TCF7L1: variants seen among roughly 807,000 people sequenced by gnomAD.
TCF7L1 encodes transcription factor 7 like 1, also known as transcription factor 7-like 1.
Under a neutral mutation model 63.7 loss-of-function variants are expected in TCF7L1, and 18 were observed. The observed-to-expected ratio is 0.28, with a 90% CI of 0.20 to 0.42. The LOEUF (loss-of-function observed/expected upper bound fraction) is 0.42, where lower values mean the gene tolerates loss of function less well. Among genes scored for constraint, TCF7L1 ranks in the 10% least tolerant of loss-of-function variants. The pLI, the probability that TCF7L1 is intolerant of heterozygous loss-of-function variation, is 1.00. For synonymous variants in TCF7L1, 355 were observed against 340.9 expected, an observed-to-expected ratio of 1.04 and a Z score of -0.46; for missense variants, 654 against 779.3, an observed-to-expected ratio of 0.84 and a Z score of 1.91.
chr2:85,294,416 C>T (rs911044268), intron 4 of TCF7L1, among the ~76,000 whole-genome samples: 4 of 152,072 alleles, frequency 2.6e-5, no homozygotes, highest in Admixed American at 6.6e-5. Context: ...TTCAGTGGGT[C>T]GCGGTAGGTC....
intron 3 of TCF7L1, among the ~76,000 whole-genome samples, chr2:85,216,865 TG>T (rs1198919026): frequency 6.6e-6 from 1 of 152,178 alleles, no homozygotes; most frequent in African/African-American, 2.4e-5. Flanking sequence ...TTCTCAAGCT[TG>T]GAGAAGGCAG....
chr2:85,306,548 C>T lies in TCF7L1; in HGVS notation c.1246C>T (p.Arg416Trp). The T allele has an allele frequency of 2.5e-6, 4 of 1,614,158 alleles. No homozygotes were observed. Among genetic ancestry groups the T allele is most frequent in the Non-Finnish European group, 3.4e-6 (4 of 1,180,020 alleles). Residue 416 changes from arginine to tryptophan, a missense_variant, in exon 10 of 12, where the codon CGG (arginine) becomes TGG (tryptophan). By Grantham distance (101) the Arg-to-Trp change is moderately radical. Around this residue, in one of 3 missense-constraint regions of TCF7L1, gnomAD observed 66 missense variants for 120.5 expected, o/e 0.55. Coordinates refer to ENST00000282111, the MANE Select transcript of TCF7L1 (RefSeq NM_031283.3). This position sits in a 1 kb window ranked among gnomAD's most constrained non-coding sequence, Gnocchi z 4.3. ...GCAGCTCTACCCAACCTGGTCAGCC[C>T]GGGACAACTATGTAAGTGCACACTC... is the stretch of plus-strand genomic sequence containing the variant. Reference protein sequence around the residue: ...HSQLYPTWSARDNYGKKKKRK... With the variant: ...HSQLYPTWSAWDNYGKKKKRK...
intron 3 of TCF7L1, among the ~76,000 whole-genome samples, chr2:85,160,975 C>T (rs907796305): frequency 4.6e-5 from 7 of 152,192 alleles, no homozygotes; most frequent in Non-Finnish European, 7.3e-5. Flanking sequence ...GGGGTCTGTC[C>T]GTGTGGAGGA....
At chr2:85,222,541 G>C (rs1156732023) in intron 3 of TCF7L1, among the ~76,000 whole-genome samples, 1 of 150,744 alleles carries the variant, frequency 6.6e-6, no homozygotes, top group Non-Finnish European at 1.5e-5. Context: ...ACAGGGGTAT[G>C]CACCTGTCGT....
chr2:85,305,012 TTG>T (rs765880648), intron 7 of TCF7L1, among the ~76,000 whole-genome samples: 3 of 152,124 alleles, frequency 2.0e-5, no homozygotes, highest in African/African-American at 4.8e-5. Flanking sequence ...TCCTCCCCTT[TTG>T]TGTGTTTCAT....
intron 3 of TCF7L1, among the ~76,000 whole-genome samples, chr2:85,179,758 T>C (rs1029343071): frequency 6.6e-6 from 1 of 152,140 alleles, no homozygotes; most frequent in Admixed American, 6.5e-5. Flanking sequence ...TTGGTTTAGC[T>C]CCTTTTAGCA....
At chr2:85,261,060 T>A (rs955769783) in intron 3 of TCF7L1, among the ~76,000 whole-genome samples, 3 of 152,148 alleles carry the variant, frequency 2.0e-5, no homozygotes, top group Non-Finnish European at 4.4e-5. Flanking sequence ...TGCAGTCACC[T>A]GTGTAGAATT....
chr2:85,202,333 A>G (rs1289934070), intron 3 of TCF7L1, among the ~76,000 whole-genome samples: 1 of 152,110 alleles, frequency 6.6e-6, no homozygotes, highest in Non-Finnish European at 1.5e-5. Context: ...TTCTTTATGT[A>G]TTCTGGGTAC....
At chr2:85,181,497 G>T (rs1293237176) in intron 3 of TCF7L1, among the ~76,000 whole-genome samples, 1 of 152,196 alleles carries the variant, frequency 6.6e-6, no homozygotes. Flanking sequence ...AACTATGTGT[G>T]TGACTGTGTG....
intron 3 of TCF7L1, among the ~76,000 whole-genome samples, chr2:85,222,273 G>A (rs765900041): frequency 3.0e-4 from 46 of 151,474 alleles, no homozygotes; most frequent in Non-Finnish European, 5.0e-4. Context: ...ACCAGAAGGT[G>A]GAGGTTGCAG....
intron 3 of TCF7L1, among the ~76,000 whole-genome samples, chr2:85,137,912 AAG>A (rs1371010325): frequency 6.6e-6 from 1 of 151,970 alleles, no homozygotes; most frequent in African/African-American, 2.4e-5. Flanking sequence ...AAAAAAAAGA[AAG>A]AAAGAAAATG....
At position 85,150,130 on chromosome 2, in the gene TCF7L1, A is replaced by AT. The variant is rs1223677210; in HGVS notation, c.441+15688dup. On this transcript the variant is annotated intron_variant, in intron 3 of 11. Coordinates refer to ENST00000282111, the MANE Select transcript of TCF7L1 (RefSeq NM_031283.3). ...AAAACATTTTTACTTTTATTTATTC[A>AT]TTTTTTTTGGCTTTAGGATGAGTTC... is the stretch of plus-strand genomic sequence containing the variant. Among the ~76,000 whole-genome samples, 6 of 150,890 alleles carry AT rather than the reference A, an allele frequency of 4.0e-5. No individual in the cohort carries two copies. In the East Asian group the frequency reaches 5.8e-4, roughly 15 times the overall value.
At chr2:85,232,586 G>T (rs763237029) in intron 3 of TCF7L1, among the ~76,000 whole-genome samples, 5 of 152,146 alleles carry the variant, frequency 3.3e-5, no homozygotes, top group Admixed American at 2.0e-4. Context: ...CCACTGTTCA[G>T]CATATGGGCA....
intron 3 of TCF7L1, among the ~76,000 whole-genome samples, chr2:85,175,427 C>T (rs1401782697): frequency 6.6e-6 from 1 of 152,216 alleles, no homozygotes; most frequent in Non-Finnish European, 1.5e-5. Flanking sequence ...CACCATCCAG[C>T]AAGACCCCTG....
Position 85,223,648 on chromosome 2 carries a change from A to G in TCF7L1, c.442-59847A>G, listed in dbSNP as rs577955499. Among the ~76,000 whole-genome samples the G allele has an allele frequency of 7.2e-5, 11 of 152,266 alleles. No individual in the cohort carries two copies. The East Asian group carries it at 2.1e-3, about 29-fold the overall frequency. ...AACCCAGCAAAAAGTACCCAAAAGC[A>G]ACCACTCACAGCAAAAATTGGGGGA... On this transcript the variant is annotated intron_variant, in intron 3 of 11. Transcript: ENST00000282111.
intron 3 of TCF7L1, chr2:85,262,118 G>C: frequency 1.8e-6 from 1 of 544,216 alleles, no homozygotes; most frequent in Non-Finnish European, 3.7e-6. Flanking sequence ...CTTTGTTTTA[G>C]AATGAATCTC....
intron 3 of TCF7L1, among the ~76,000 whole-genome samples, chr2:85,266,133 T>C (rs1273740239): frequency 6.6e-6 from 1 of 152,256 alleles, no homozygotes; most frequent in African/African-American, 2.4e-5. Flanking sequence ...AACCACCTAC[T>C]ACATAAATTC....
chr2:85,250,267 A>G (rs1010372734), intron 3 of TCF7L1, among the ~76,000 whole-genome samples: 14 of 152,208 alleles, frequency 9.2e-5, no homozygotes, highest in Admixed American at 2.0e-4. Flanking sequence ...CCAGTACACC[A>G]GTGCCAGCTG....
chr2:85,161,246 C>G (rs1197346796), intron 3 of TCF7L1, among the ~76,000 whole-genome samples: 3 of 152,122 alleles, frequency 2.0e-5, no homozygotes, highest in Non-Finnish European at 4.4e-5. Flanking sequence ...TTCAGGTTCT[C>G]TAGTGGTTTG....
Sources: allele counts gnomAD v4.1 joint callset (sites outside exome capture counted in the v4.1 genomes callset), GRCh38; gene constraint gnomAD v4.1.1; regional missense constraint gnomAD v4.1.1; non-coding constraint Gnocchi (gnomAD v3.1); transcripts MANE v1.5; gene names NCBI Gene and HGNC (gene_info 2026-07-23, HGNC 2026-07-21).